The following RASSF3 variants were observed in gnomAD, a reference collection of about 807,000 sequenced individuals.
The protein encoded by RASSF3 is ras association domain-containing protein 3.
A neutral mutation model predicts 19.9 loss-of-function variants in RASSF3; 19 were observed. The observed-to-expected ratio is 0.96, with a 90% CI of 0.67 to 1.40. The LOEUF (loss-of-function observed/expected upper bound fraction) is 1.40. RASSF3 is among the 40% of genes most tolerant of loss of function. The pLI is 0.00. For missense variants in RASSF3, 306 were observed against 289.8 expected, an observed-to-expected ratio of 1.06 and a Z score of -0.41; for synonymous variants, 110 against 104.2, an observed-to-expected ratio of 1.06 and a Z score of -0.34.
intron 1 of RASSF3, among the ~76,000 whole-genome samples, chr12:64,525,055 C>T (rs1198489891): frequency 6.6e-6 from 1 of 152,144 alleles, no homozygotes; most frequent in African/African-American, 2.4e-5. Context: ...GCAGGTGGAT[C>T]ACCCGAGGTC....
At position 64,644,457 on chromosome 12, in the gene RASSF3, A is replaced by T. The variant is rs189647323; in HGVS notation, c.111+33714A>T. On this transcript the variant is annotated intron_variant, in intron 1 of 4. Coordinates refer to ENST00000542104, the MANE Select transcript of RASSF3 (RefSeq NM_178169.4). ...ATGTCTATAATCCCAGAACTTTAGG[A>T]GGCCGAGATGGGCAGATCACTTAAG... is the stretch of plus-strand genomic sequence containing the variant. Among the ~76,000 whole-genome samples, 3 of 152,264 alleles carry T rather than the reference A, an allele frequency of 2.0e-5. No homozygotes were observed. In the East Asian group the frequency reaches 5.8e-4, roughly 29 times the overall value.
intron 1 of RASSF3, among the ~76,000 whole-genome samples, chr12:64,629,158 A>G (rs976496848): frequency 2.6e-5 from 4 of 151,344 alleles, no homozygotes; most frequent in African/African-American, 7.3e-5. Context: ...GCTGGAGTAC[A>G]GTGGCGTGAC....
At chr12:64,649,492 A>G (rs1871863744) in intron 1 of RASSF3, among the ~76,000 whole-genome samples, 1 of 152,136 alleles carries the variant, frequency 6.6e-6, no homozygotes, top group African/African-American at 2.4e-5. Context: ...GCGCCTGGCC[A>G]GCCATCTGGA....
chr12:64,594,056 G>A (rs1270427191), intron 2 of RASSF3, among the ~76,000 whole-genome samples: 3 of 151,142 alleles, frequency 2.0e-5, no homozygotes, highest in Non-Finnish European at 2.9e-5. Context: ...GCCATGGCTG[G>A]GCGTGGTAGC....
At chr12:64,518,767 T>G (rs1565830920) in intron 1 of RASSF3, among the ~76,000 whole-genome samples, 1 of 152,228 alleles carries the variant, frequency 6.6e-6, no homozygotes, top group Non-Finnish European at 1.5e-5. Context: ...AACCATTGTT[T>G]CCAGACTTAT....
At chr12:64,511,182 A>C (rs1049981710) in intron 1 of RASSF3, among the ~76,000 whole-genome samples, 1 of 152,216 alleles carries the variant, frequency 6.6e-6, no homozygotes, top group East Asian at 1.9e-4. Flanking sequence ...CTTCATCTGC[A>C]GAAACAGGAC....
chr12:64,631,902 G>T (rs930576324), intron 1 of RASSF3, among the ~76,000 whole-genome samples: 1 of 151,908 alleles, frequency 6.6e-6, no homozygotes, highest in African/African-American at 2.4e-5. Context: ...TAGATGAGAG[G>T]ACTTCAATGG....
chr12:64,530,308 A>AT (rs35437783), upstream of RASSF3, among the ~76,000 whole-genome samples: 81,144 of 147,664 alleles, frequency 0.55, 22,716 homozygotes, highest in East Asian at 0.96. Context: ...GTGCACAACA[A>AT]TTTTTTTTTT....
chr12:64,542,211 C>G (rs1297672686), downstream of RASSF3, among the ~76,000 whole-genome samples: 1 of 152,004 alleles, frequency 6.6e-6, no homozygotes, highest in Non-Finnish European at 1.5e-5. Flanking sequence ...AGCTACTCAC[C>G]CAGCCACTCA....
At chr12:64,561,847 C>G (rs949643082) in intron 2 of RASSF3, among the ~76,000 whole-genome samples, 2 of 151,530 alleles carry the variant, frequency 1.3e-5, no homozygotes, top group Non-Finnish European at 2.9e-5. Flanking sequence ...CGAGCCCAAC[C>G]ACGCCTGGCT....
At chr12:64,624,444 T>G (rs766646818) in intron 1 of RASSF3, among the ~76,000 whole-genome samples, 19 of 151,816 alleles carry the variant, frequency 1.3e-4, no homozygotes, top group Non-Finnish European at 2.2e-4. Flanking sequence ...TTATTTTTAT[T>G]TTTTACATTT....
Position 64,696,783 on chromosome 12 carries a change from C to T in RASSF3, c.*1871C>T, listed in dbSNP as rs76662636. 6.6e-6 allele frequency: 1 copy of T among 152,084 alleles called. No individual in the cohort carries two copies. Among genetic ancestry groups the T allele is most frequent in the East Asian group, 1.9e-4 (1 of 5,188 alleles). 9.4% of individuals were successfully genotyped at this position (152,084 alleles called of 1,614,324 possible). A position where few individuals can be genotyped will look rare whatever the true frequency, so the allele number is the denominator to read the frequency against. ...AGAATTAGCTATAAAATATGTATGG[C>T]ACATCTTGTTTAATTTTGCATGTAA... On this transcript the variant is annotated 3_prime_UTR_variant, in exon 5 of 5. Coordinates refer to ENST00000542104, the MANE Select transcript of RASSF3 (RefSeq NM_178169.4).
chr12:64,624,063 T>C (rs951883220), intron 1 of RASSF3, among the ~76,000 whole-genome samples: 1 of 151,978 alleles, frequency 6.6e-6, no homozygotes, highest in African/African-American at 2.4e-5. Context: ...GATCCTTGGC[T>C]GTCATGTTGA....
Position 64,610,552 on chromosome 12 carries a change from C to T in RASSF3, c.-81C>T. ...GCCCGGGGCTGCGCGCCGGGAACCT[C>T]GCGGGGCTGGCGGGCGCCGCACCCC... On this transcript the variant is annotated 5_prime_UTR_variant, in exon 1 of 5. Transcript: ENST00000542104. 1.6e-6 allele frequency: 1 copy of T among 628,272 alleles called. No homozygotes were observed. Among genetic ancestry groups the T allele is most frequent in the Non-Finnish European group, 2.3e-6 (1 of 441,290 alleles). The allele number at this position is 628,272 out of a possible 1,614,324, so 38.9% of individuals were successfully genotyped here. A position where few individuals can be genotyped will look rare whatever the true frequency, so the allele number is the denominator to read the frequency against.
At chr12:64,509,975 T>C (rs542513800) in intron 1 of RASSF3, among the ~76,000 whole-genome samples, 73 of 151,684 alleles carry the variant, frequency 4.8e-4, no homozygotes, top group Non-Finnish European at 9.0e-4. Context: ...TAATCGCAGC[T>C]ACTCAGGAGA....
intron 2 of RASSF3, among the ~76,000 whole-genome samples, chr12:64,573,047 C>G (rs1009713722): frequency 1.3e-5 from 2 of 152,146 alleles, no homozygotes; most frequent in Non-Finnish European, 2.9e-5. Flanking sequence ...AAATGCAATT[C>G]CTATTTTTAA....
At chr12:64,569,777 C>G (rs1869488089) in intron 2 of RASSF3, among the ~76,000 whole-genome samples, 1 of 152,122 alleles carries the variant, frequency 6.6e-6, no homozygotes, top group East Asian at 1.9e-4. Flanking sequence ...ATCAGCCTGA[C>G]CAACATGAAG....
At chr12:64,623,719 T>C (rs1870878078) in intron 1 of RASSF3, among the ~76,000 whole-genome samples, 1 of 152,084 alleles carries the variant, frequency 6.6e-6, no homozygotes, top group Non-Finnish European at 1.5e-5. Flanking sequence ...CTCGGCTCAC[T>C]GCAGCTTCTG....
intron 1 of RASSF3, among the ~76,000 whole-genome samples, chr12:64,652,897 G>C (rs564049667): frequency 3.1e-4 from 47 of 152,338 alleles, no homozygotes; most frequent in African/African-American, 1.1e-3. Context: ...ACAGAAATGT[G>C]TTGTCTCACA....
Sources: allele counts gnomAD v4.1 joint callset (sites outside exome capture counted in the v4.1 genomes callset), GRCh38; gene constraint gnomAD v4.1.1; transcripts MANE v1.5; gene names NCBI Gene and HGNC (gene_info 2026-07-23, HGNC 2026-07-21).